Variants in SGCD observed in about 807,000 individuals in gnomAD.
The protein encoded by SGCD is delta-sarcoglycan.
A neutral mutation model predicts 36.6 loss-of-function variants in SGCD; 18 were observed. The ratio of observed to expected loss-of-function variants is 0.49; its 90% confidence interval spans 0.34 to 0.73. The LOEUF is 0.73. Among genes scored for constraint, SGCD ranks in the 30% least tolerant of loss-of-function variants. The pLI is 0.01. For missense variants in SGCD, 387 were observed against 346.7 expected, an observed-to-expected ratio of 1.12 and a Z score of -0.92; for synonymous variants, 133 against 130.6, an observed-to-expected ratio of 1.02 and a Z score of -0.12.
chr5:156,046,030 A>T (rs919833975), intron 1 of SGCD, among the ~76,000 whole-genome samples: 1 of 152,138 alleles, frequency 6.6e-6, no homozygotes, highest in East Asian at 1.9e-4. Flanking sequence ...AATTGTTTAC[A>T]TGGCCCTTTT....
the SGCD span, among the ~76,000 whole-genome samples, chr5:155,739,819 G>A: frequency 7.4e-6 from 1 of 135,918 alleles, no homozygotes; most frequent in Non-Finnish European, 1.7e-5. Flanking sequence ...AAAACTTGCT[G>A]GGAATTTCCA....
intron 4 of SGCD, among the ~76,000 whole-genome samples, chr5:156,532,151 T>A (rs1337170471): frequency 6.6e-6 from 1 of 152,122 alleles, no homozygotes; most frequent in East Asian, 1.9e-4. Context: ...CTAAAACTGT[T>A]CTGTTCTTGA....
At chr5:156,646,758 A>G (rs1427401680) in intron 6 of SGCD, among the ~76,000 whole-genome samples, 1 of 152,192 alleles carries the variant, frequency 6.6e-6, no homozygotes, top group Non-Finnish European at 1.5e-5. Flanking sequence ...ATTTGAAAAC[A>G]CTTTGGGAGC....
chr5:155,767,901 T>G, the SGCD span, among the ~76,000 whole-genome samples: 1 of 152,208 alleles, frequency 6.6e-6, no homozygotes, highest in African/African-American at 2.4e-5. Flanking sequence ...ATTTGACAGA[T>G]TTTTACTTCT....
Position 156,033,632 on chromosome 5 carries a change from G to A in SGCD, c.-281-84246G>A, listed in dbSNP as rs139745673. 5.5e-3 allele frequency among the ~76,000 whole-genome samples: 832 copies of A among 152,292 alleles called. 6 individuals carry two copies. The highest frequency in any genetic ancestry group is 0.019 in the African/African-American group (800 of 41,562). On this transcript the variant is annotated intron_variant, in intron 1 of 9. Transcript: ENST00000517913. The stretch of plus-strand genomic sequence containing the variant: ...ATCCAGTTAAACTCTCCTCTTTAAT[G>A]GAGGTGAAAGCCAAGGCCCAGGGAG...
chr5:155,979,679 G>T (rs531697071), intron 1 of SGCD, among the ~76,000 whole-genome samples: 14 of 152,288 alleles, frequency 9.2e-5, no homozygotes, highest in South Asian at 6.2e-4. Flanking sequence ...CAGTTGTTGG[G>T]TGTAGGCTGG....
At chr5:156,341,363 G>A (rs986399634) in intron 2 of SGCD, among the ~76,000 whole-genome samples, 2 of 151,596 alleles carry the variant, frequency 1.3e-5, no homozygotes, top group African/African-American at 4.9e-5. Flanking sequence ...TTACACACTA[G>A]AGTTTCTTGC....
intron 1 of SGCD, among the ~76,000 whole-genome samples, chr5:155,872,477 A>G (rs1198804192): frequency 1.3e-5 from 2 of 152,180 alleles, no homozygotes; most frequent in East Asian, 1.9e-4. Context: ...ACTTTTAAAA[A>G]TCCAATAACA....
At chr5:156,604,726 A>ATATATGTATATATACATATATACATATTT (rs1561808530) in intron 6 of SGCD, among the ~76,000 whole-genome samples, 3 of 110,086 alleles carry the variant, frequency 2.7e-5, no homozygotes, top group South Asian at 3.3e-4. Flanking sequence ...TATGCACATT[A>ATATATGTATATATACATATATACATATTT]TATATGTATA....
chr5:156,517,466 C>CA (rs1470146511), intron 4 of SGCD, among the ~76,000 whole-genome samples: 3 of 152,130 alleles, frequency 2.0e-5, no homozygotes, highest in Non-Finnish European at 1.5e-5. Flanking sequence ...GACAGGCCAA[C>CA]ATTCAAATTC....
the SGCD span, among the ~76,000 whole-genome samples, chr5:155,826,060 T>C: frequency 1.3e-5 from 2 of 152,238 alleles, no homozygotes; most frequent in Non-Finnish European, 2.9e-5. Context: ...TAGTTGACTT[T>C]AAATAACACA....
At chr5:156,297,744 A>G (rs1037093407) in intron 3 of SGCD, among the ~76,000 whole-genome samples, 1 of 151,974 alleles carries the variant, frequency 6.6e-6, no homozygotes, top group Non-Finnish European at 1.5e-5. Context: ...CTATGTAACT[A>G]ACCTGCACAA....
At chr5:156,746,693 C>A (rs1401552063) in intron 7 of SGCD, among the ~76,000 whole-genome samples, 1 of 152,154 alleles carries the variant, frequency 6.6e-6, no homozygotes, top group Non-Finnish European at 1.5e-5. Context: ...AAAATGAACA[C>A]TATTCTTAAA....
intron 1 of SGCD, among the ~76,000 whole-genome samples, chr5:156,115,867 G>A (rs183080254): frequency 4.5e-4 from 69 of 152,174 alleles, no homozygotes; most frequent in African/African-American, 1.5e-3. Context: ...TTTCCTATAA[G>A]TGAGATTTAA....
intron 6 of SGCD, among the ~76,000 whole-genome samples, chr5:156,621,023 G>A (rs1177100290): frequency 6.6e-6 from 1 of 152,166 alleles, no homozygotes; most frequent in African/African-American, 2.4e-5. Context: ...TCAACAAGAA[G>A]CTTCTTGACA....
At chr5:156,464,927 C>T (rs777015383) in intron 3 of SGCD, among the ~76,000 whole-genome samples, 4 of 152,062 alleles carry the variant, frequency 2.6e-5, no homozygotes, top group South Asian at 4.1e-4. Flanking sequence ...TTTAACATTA[C>T]GGCATTTTTC....
chr5:155,924,077 T>A (rs931869793), intron 1 of SGCD, among the ~76,000 whole-genome samples: 1 of 152,194 alleles, frequency 6.6e-6, no homozygotes, highest in African/African-American at 2.4e-5. Context: ...AAAAAATAAA[T>A]ACTTCAACTT....
At chr5:155,959,176 T>G (rs1003824316) in intron 1 of SGCD, among the ~76,000 whole-genome samples, 1 of 152,178 alleles carries the variant, frequency 6.6e-6, no homozygotes, top group Non-Finnish European at 1.5e-5. Context: ...AATTTCTTAG[T>G]TTAACGTGAC....
intron 7 of SGCD, among the ~76,000 whole-genome samples, chr5:156,668,680 G>A (rs1011455961): frequency 3.1e-4 from 47 of 152,186 alleles, no homozygotes; most frequent in African/African-American, 1.0e-3. Context: ...AGGGGAAAAT[G>A]AGGCAAGGAT....
Sources: allele counts gnomAD v4.1 joint callset (sites outside exome capture counted in the v4.1 genomes callset), GRCh38; gene constraint gnomAD v4.1.1; transcripts MANE v1.5; gene names NCBI Gene and HGNC (gene_info 2026-07-23, HGNC 2026-07-21).